Variants in WDR88 observed in about 807,000 individuals in gnomAD.
WDR88 encodes WD repeat domain 88.
Under a neutral mutation model 46.8 loss-of-function variants are expected in WDR88, and 40 were observed. That is an observed-to-expected ratio of 0.86 (90% CI 0.66 to 1.11). WDR88 has a LOEUF of 1.11. WDR88 is among the 50% of genes most tolerant of loss of function. WDR88 has a pLI of 0.00. For synonymous variants in WDR88, 235 were observed against 240.7 expected, an observed-to-expected ratio of 0.98 and a Z score of 0.22; for missense variants, 562 against 602.4, an observed-to-expected ratio of 0.93 and a Z score of 0.70.
Position 33,175,627 on chromosome 19 carries a change from C to CGGGGCTTTGCA in WDR88, c.*64_*74dup, listed in dbSNP as rs532446716. 1.5e-4 allele frequency: 242 copies of CGGGGCTTTGCA among 1,602,078 alleles called. No individual in the cohort carries two copies. In the African/African-American group the frequency reaches 1.6e-3, roughly 10 times the overall value. ...CACAGGCTACCTAGCATGTAGGTTT[C>CGGGGCTTTGCA]GGGGCTTTGCAGGGGCTTTCTCTTG... On this transcript the variant is annotated 3_prime_UTR_variant, in exon 11 of 11. Coordinates refer to ENST00000355868, the MANE Select transcript of WDR88 (RefSeq NM_173479.4).
At chr19:33,170,856 T>C (rs1974027066) in intron 9 of WDR88, among the ~76,000 whole-genome samples, 1 of 151,922 alleles carries the variant, frequency 6.6e-6, no homozygotes, top group African/African-American at 2.4e-5. Flanking sequence ...AGTAAGACCC[T>C]GTCTTAAAAA....
At chr19:33,150,942 C>T (rs1973621447) in intron 5 of WDR88, among the ~76,000 whole-genome samples, 1 of 152,246 alleles carries the variant, frequency 6.6e-6, no homozygotes, top group African/African-American at 2.4e-5. Context: ...AGGTCGTTGC[C>T]TGGTCCGGGG....
intron 10 of WDR88, chr19:33,174,399 C>A: frequency 1.4e-6 from 2 of 1,401,846 alleles, no homozygotes; most frequent in South Asian, 3.2e-5. Flanking sequence ...GGCCACCTTG[C>A]AGGCTCTTCT....
chr19:33,140,853 G>GATGA (rs1200217986), intron 2 of WDR88, among the ~76,000 whole-genome samples: 2 of 151,724 alleles, frequency 1.3e-5, no homozygotes, highest in African/African-American at 4.8e-5. Flanking sequence ...GTCATGGAAG[G>GATGA]ATGAATGTTT....
chr19:33,169,666 C>CAAAAAAA (rs33941385), intron 9 of WDR88, among the ~76,000 whole-genome samples: 1 of 81,742 alleles, frequency 1.2e-5, no homozygotes, highest in Non-Finnish European at 2.5e-5. Context: ...GACCCAGTCT[C>CAAAAAAA]AAAAAAAAAA....
intron 9 of WDR88, among the ~76,000 whole-genome samples, chr19:33,169,997 C>T (rs1219331605): frequency 6.6e-6 from 1 of 152,140 alleles, no homozygotes; most frequent in African/African-American, 2.4e-5. Flanking sequence ...CCTGCCTCAG[C>T]CTCCCGAGTA....
intron 5 of WDR88, among the ~76,000 whole-genome samples, chr19:33,149,506 CTTAACA>C (rs1973589516): frequency 1.3e-5 from 2 of 152,228 alleles, no homozygotes; most frequent in South Asian, 2.1e-4. Flanking sequence ...GCTCAGGCTT[CTTAACA>C]TTAACATTAA....
chr19:33,160,001 G>A (rs4122279), intron 7 of WDR88, among the ~76,000 whole-genome samples: 25,226 of 151,784 alleles, frequency 0.17, 3,452 homozygotes, highest in African/African-American at 0.36. Context: ...CCTCGCATCC[G>A]CAGTTCACAA....
intron 2 of WDR88, among the ~76,000 whole-genome samples, chr19:33,141,308 C>T (rs1375909363): frequency 6.8e-6 from 1 of 146,822 alleles, no homozygotes; most frequent in African/African-American, 2.6e-5. Flanking sequence ...TGGCTCACTG[C>T]AGCCTCAACC....
intron 5 of WDR88, among the ~76,000 whole-genome samples, 199 bp from the exon 6 acceptor site, chr19:33,150,982 G>A (rs1344721705): frequency 2.0e-5 from 3 of 152,242 alleles, no homozygotes; most frequent in Non-Finnish European, 2.9e-5. Flanking sequence ...GCAGCTCTGC[G>A]GGGGCAGGGA....
chr19:33,156,217 A>C, intron 6 of WDR88, 138 bp from the exon 7 acceptor site: 1 of 755,494 alleles, frequency 1.3e-6, no homozygotes, highest in Non-Finnish European at 2.1e-6. Context: ...GTATGTCTTC[A>C]GGTCCTCTTG....
intron 9 of WDR88, among the ~76,000 whole-genome samples, chr19:33,167,654 ACCTT>A (rs573908495): frequency 1.0e-3 from 150 of 148,354 alleles, no homozygotes; most frequent in Middle Eastern, 6.8e-3. Flanking sequence ...CTCCCTCCCA[ACCTT>A]CCTTCCTTCC....
intron 1 of WDR88, among the ~76,000 whole-genome samples, chr19:33,134,524 T>TC (rs1295521825): frequency 2.6e-5 from 4 of 151,834 alleles, no homozygotes; most frequent in African/African-American, 9.7e-5. Context: ...GATAGTTGGG[T>TC]TTTCCTAATG....
intron 2 of WDR88, among the ~76,000 whole-genome samples, chr19:33,140,393 C>T (rs113626927): frequency 0.14 from 20,829 of 152,202 alleles, 1,697 homozygotes; most frequent in Admixed American, 0.28. Context: ...CTCTTGGCCT[C>T]AAGCAATCCT....
chr19:33,172,309 C>A, intron 9 of WDR88, 39 bp from the exon 10 acceptor site: 1 of 1,529,480 alleles, frequency 6.5e-7, no homozygotes, highest in Non-Finnish European at 9.0e-7. Context: ...GGATGTACCA[C>A]AGCCTGTTTT....
chr19:33,164,269 A>C lies in WDR88; in HGVS notation c.1149+4A>C. 3 of 1,613,518 alleles carry C rather than the reference A, an allele frequency of 1.9e-6. No homozygotes were observed. The highest frequency in any genetic ancestry group is 2.5e-6 in the Non-Finnish European group (3 of 1,179,440). On this transcript the variant is annotated splice_donor_region_variant and intron_variant, in intron 9 of 10. Transcript: ENST00000355868. Reference sequence around the variant, plus strand: ...ATGGATCCTGTCTGCTTCCAAGGTAAAAGTGGTCAAGCTTACAATATCGAT... The same window carrying C: ...ATGGATCCTGTCTGCTTCCAAGGTACAAGTGGTCAAGCTTACAATATCGAT...
intron 6 of WDR88, 34 bp downstream of exon 6, chr19:33,151,344 TG>T: frequency 1.2e-6 from 2 of 1,602,288 alleles, no homozygotes; most frequent in Non-Finnish European, 1.7e-6. Flanking sequence ...GAAGGGAGTT[TG>T]GGTGGGGCGT....
chr19:33,174,445 C>T (rs1974091939), intron 10 of WDR88: 2 of 1,369,846 alleles, frequency 1.5e-6, no homozygotes, highest in East Asian at 5.2e-5. Context: ...CCCTGAGGGG[C>T]CTCTGCCCAT....
intron 2 of WDR88, among the ~76,000 whole-genome samples, chr19:33,141,269 G>A (rs148930719): frequency 0.01 from 1,288 of 127,304 alleles, 22 homozygotes; most frequent in African/African-American, 0.043. Context: ...TCACTCTGTT[G>A]CCCAGGCTGA....
Sources: allele counts gnomAD v4.1 joint callset (sites outside exome capture counted in the v4.1 genomes callset), GRCh38; gene constraint gnomAD v4.1.1; transcripts MANE v1.5; gene names NCBI Gene and HGNC (gene_info 2026-07-23, HGNC 2026-07-21).